SFPQ: variants seen among roughly 807,000 people sequenced by gnomAD.
SFPQ encodes the protein splicing factor, proline- and glutamine-rich.
Under a neutral mutation model 72.9 loss-of-function variants are expected in SFPQ, and 11 were observed. The ratio of observed to expected loss-of-function variants is 0.15; its 90% CI spans 0.09 to 0.25. SFPQ has a LOEUF of 0.25. Among genes scored for constraint, SFPQ ranks in the 10% least tolerant of loss-of-function variants. SFPQ has a pLI of 1.00. For missense variants in SFPQ, 847 were observed against 993.3 expected (o/e 0.85, Z 1.98); for synonymous variants, 506 against 367.3 (o/e 1.38, Z -4.32).
Position 35,189,357 on chromosome 1 carries a change from C to A in SFPQ, c.1441G>T (p.Ala481Ser), listed in dbSNP as rs1433088111. Reference sequence around the variant, plus strand: ...TCGTACTCAAACGTGCCATGCTGGGCAAAACGAGGAGGGGTTTCTCTCTCC... The same window carrying A: ...TCGTACTCAAACGTGCCATGCTGGGAAAAACGAGGAGGGGTTTCTCTCTCC... ...QKERETPPRFAQHGTFEYEYS... is the reference protein window; with the variant it reads ...QKERETPPRFSQHGTFEYEYS... The change falls in exon 5 of 10, where the codon GCC becomes TCC. Residue 481 changes from alanine to serine, a missense_variant. By Grantham distance (99) the Ala-to-Ser change is moderately conservative. This residue lies in a region of SFPQ where 132 missense variants were observed against 255.4 expected (regional missense o/e 0.52). Transcript: ENST00000357214. The A allele has an allele frequency of 2.5e-6, 4 of 1,613,940 alleles. No homozygotes were observed.
At chr1:35,179,269 T>G, downstream of SFPQ, 1 of 1,060,608 alleles carries the variant, frequency 9.4e-7, no homozygotes, top group South Asian at 4.6e-5. Flanking sequence ...CCATTAAGGT[T>G]AAAAGTCCAA....
rs566117791 is a variant in SFPQ at position 35,183,745 on chromosome 1, T to G, written c.*711A>C. On this transcript the variant is annotated 3_prime_UTR_variant, in exon 10 of 10. Transcript: ENST00000357214. ...TTTTCAAAAGCTTTCAAGTAAAGGA[T>G]AGATCATAGGGCCATAAAAGATCCA... 85 of 1,050,634 alleles carry G rather than the reference T, an allele frequency of 8.1e-5. No individual in the cohort carries two copies. The highest frequency in any genetic ancestry group is 9.0e-5 in the Non-Finnish European group (78 of 869,732). 65.1% of individuals were successfully genotyped at this position (1,050,634 alleles called of 1,614,324 possible).
At chr1:35,178,382 T>G (rs984076744), downstream of SFPQ, 1 of 1,064,100 alleles carries the variant, frequency 9.4e-7, no homozygotes, top group African/African-American at 1.6e-5. Context: ...CAAATGAGTT[T>G]TAACATCAGC....
chr1:35,185,817 GAA>G (rs1203429877), intron 9 of SFPQ, among the ~76,000 whole-genome samples: 1 of 152,010 alleles, frequency 6.6e-6, no homozygotes, highest in African/African-American at 2.4e-5. Context: ...TTAAAAAAAA[GAA>G]AAAGTTGGGG....
chr1:35,181,332 A>T (rs546057228), downstream of SFPQ: 5 of 1,065,558 alleles, frequency 4.7e-6, no homozygotes, highest in African/African-American at 8.2e-5. Context: ...ATTCCGCCAC[A>T]ACTTAGTGGC....
chr1:35,189,886 G>A (rs1639910639), intron 4 of SFPQ, among the ~76,000 whole-genome samples: 1 of 152,090 alleles, frequency 6.6e-6, no homozygotes, highest in Non-Finnish European at 1.5e-5. Flanking sequence ...GGGAGGCAAA[G>A]ATTGCAGTGA....
At chr1:35,186,403 T>G (rs1247056904) in intron 9 of SFPQ, among the ~76,000 whole-genome samples, 3 of 152,196 alleles carry the variant, frequency 2.0e-5, no homozygotes, top group Non-Finnish European at 4.4e-5. Flanking sequence ...TAAAAATTGT[T>G]GATTTTTGCT....
At position 35,184,421 on chromosome 1, in the gene SFPQ, C is replaced by G. The variant is rs747783087; in HGVS notation, c.*35G>C. 6.3e-7 allele frequency: 1 copy of G among 1,590,718 alleles called. No individual in the cohort carries two copies. The highest frequency in any genetic ancestry group is 8.5e-7 in the Non-Finnish European group (1 of 1,173,230). On this transcript the variant is annotated 3_prime_UTR_variant, in exon 10 of 10. Coordinates refer to ENST00000357214, the MANE Select transcript of SFPQ (RefSeq NM_005066.3). The stretch of plus-strand genomic sequence containing the variant: ...AAAGATTGGTATCTAAACAAAAAAA[C>G]AAAACAAACTGGAATGAAAGCCTAA...
chr1:35,190,417 A>C, intron 4 of SFPQ, 81 bp downstream of exon 4: 1 of 973,468 alleles, frequency 1.0e-6, no homozygotes, highest in South Asian at 1.5e-5. Flanking sequence ...GCATATTTTA[A>C]GCAAAATTGG....
Position 35,188,996 on chromosome 1 carries a change from A to G in SFPQ, c.1697+7T>C, listed in dbSNP as rs776455137. The G allele has an allele frequency of 1.2e-6, 2 of 1,606,610 alleles. No individual in the cohort carries two copies. The highest frequency in any genetic ancestry group is 1.7e-6 in the Non-Finnish European group (2 of 1,175,040). On this transcript the variant is annotated splice_region_variant and intron_variant, in intron 6 of 9. Transcript: ENST00000357214. ...AATGAAGGCTTAAACCTTAAACACA[A>G]TTTTACCTCAATTGCATTTCTTTAC... is the stretch of plus-strand genomic sequence containing the variant.
rs1451295275 is a variant in SFPQ at position 35,193,066 on chromosome 1, C to T, written c.-17G>A. Reference sequence around the variant, plus strand: ...CCGAGACATGTCTGTGGTCAAGGGGCGGTCGAGGCAAAAGCGAAGAAGACG... The same window carrying T: ...CCGAGACATGTCTGTGGTCAAGGGGTGGTCGAGGCAAAAGCGAAGAAGACG... On this transcript the variant is annotated 5_prime_UTR_variant, in exon 1 of 10. Coordinates refer to ENST00000357214, the MANE Select transcript of SFPQ (RefSeq NM_005066.3). 5 of 1,540,152 alleles carry T rather than the reference C, an allele frequency of 3.2e-6. No homozygotes were observed. The highest frequency in any genetic ancestry group is 4.1e-5 in the Admixed American group (2 of 49,354).
At chr1:35,191,208 CTG>C (rs1639979759) in intron 2 of SFPQ, 131 bp downstream of exon 2, 1 of 879,014 alleles carries the variant, frequency 1.1e-6, no homozygotes, top group African/African-American at 1.7e-5. Flanking sequence ...AGCATTTTTC[CTG>C]TAAGAATGGT....
At position 35,187,228 on chromosome 1, in the gene SFPQ, A is replaced by G; in HGVS notation, c.1839T>C (p.Gly613=). Residue 613 remains glycine (G), a synonymous_variant, in exon 8 of 10, where the codon GGT becomes GGC. Coordinates refer to ENST00000357214, the MANE Select transcript of SFPQ (RefSeq NM_005066.3). ...MDPRERDMRM[G]GGGAMNMGDP... ...CTCCCATGTTCATTGCTCCTCCGCC[A>G]CCCATTCGCATGTCTCTTTCCCGCT... 1.2e-6 allele frequency: 2 copies of G among 1,614,132 alleles called. No homozygotes were observed. The highest frequency in any genetic ancestry group is 1.6e-4 in the Middle Eastern group (1 of 6,062).
rs1294474463 is a variant in SFPQ, at chr1:35,187,268, C to T, written c.1816-17G>A. On this transcript the variant is annotated splice_polypyrimidine_tract_variant and intron_variant, in intron 7 of 9. Coordinates refer to ENST00000357214, the MANE Select transcript of SFPQ (RefSeq NM_005066.3). ...TCTTTCCCGCTGCAAGAAAAAAATT[C>T]CTTTCAATATACCTGCACTATACCC... 1 of 1,613,250 alleles carries T rather than the reference C, an allele frequency of 6.2e-7. No individual in the cohort carries two copies. The highest frequency in any genetic ancestry group is 8.5e-7 in the Non-Finnish European group (1 of 1,179,264).
downstream of SFPQ, chr1:35,178,036 C>A: frequency 7.8e-7 from 1 of 1,284,170 alleles, no homozygotes; most frequent in Non-Finnish European, 1.0e-6. Flanking sequence ...ATCATTCTTA[C>A]CTAAAGAATA....
In SFPQ at chr1:35,192,800, G is replaced by C. The variant is rs934727800; in HGVS notation, c.250C>G (p.Pro84Ala). 6.6e-7 allele frequency: 1 copy of C among 1,504,488 alleles called. No homozygotes were observed. Among genetic ancestry groups the C allele is most frequent in the Non-Finnish European group, 8.8e-7 (1 of 1,133,458 alleles). The allele number at this position is 1,504,488 out of a possible 1,614,324, so 93.2% of individuals were successfully genotyped here. A position where few individuals can be genotyped will look rare whatever the true frequency, so the allele number is the denominator to read the frequency against. The change falls in exon 1 of 10, where the codon CCG (proline) becomes GCG (alanine). Residue 84 changes from proline (P) to alanine (A), a missense_variant. By Grantham distance (27) the Pro-to-Ala change is conservative (BLOSUM62 -1). This residue lies in a region of SFPQ where 498 missense variants were observed against 405.1 expected (regional missense o/e 1.23). Transcript: ENST00000357214. ...PQQPPPQQPP[P>A]HQPPPHPQPH... ...TGTGGATGCGGCGGCGGCTGATGCG[G>C]TGGCGGCTGCTGCGGCGGTGGCTGC...
At chr1:35,177,674 GT>G (rs1485327170) in intron 4 of SFPQ, 1 of 154,584 alleles carries the variant, frequency 6.5e-6, no homozygotes, top group Non-Finnish European at 1.4e-5. Context: ...GAATCATGGA[GT>G]TTTAGATGGA....
At chr1:35,187,546 C>G (rs1028584632) in intron 7 of SFPQ, among the ~76,000 whole-genome samples, 3 of 152,148 alleles carry the variant, frequency 2.0e-5, no homozygotes, top group South Asian at 2.1e-4. Flanking sequence ...GCCTGGCCAA[C>G]AAGGCGAAAC....
intron 7 of SFPQ, 38 bp from the exon 8 acceptor site, chr1:35,187,289 T>C (rs750094587): frequency 1.5e-5 from 24 of 1,579,734 alleles, no homozygotes; most frequent in Non-Finnish European, 2.0e-5. Context: ...ACCTGCACTA[T>C]ACCCACAGCA....
Sources: allele counts gnomAD v4.1 joint callset (sites outside exome capture counted in the v4.1 genomes callset), GRCh38; gene constraint gnomAD v4.1.1; regional missense constraint gnomAD v4.1.1; transcripts MANE v1.5; gene names NCBI Gene and HGNC (gene_info 2026-07-23, HGNC 2026-07-21).